Variants in CDYL2 observed in about 807,000 individuals in gnomAD.
The protein encoded by CDYL2 is chromodomain Y-like protein 2.
A neutral mutation model predicts 49.4 loss-of-function variants in CDYL2; 23 were observed. The observed-to-expected ratio is 0.47, with a 90% CI of 0.34 to 0.66. The LOEUF is 0.66. CDYL2 is among the 30% of genes least tolerant of loss of function. CDYL2 has a pLI of 0.01. For missense variants in CDYL2, 678 were observed against 656.4 expected (o/e 1.03, Z -0.36); for synonymous variants, 360 against 268.8 (o/e 1.34, Z -3.32).
At chr16:80,621,145 C>T (rs1404157098) in intron 3 of CDYL2, among the ~76,000 whole-genome samples, 3 of 152,224 alleles carry the variant, frequency 2.0e-5, no homozygotes, top group Non-Finnish European at 1.5e-5. Flanking sequence ...CCAGCACCAT[C>T]CCCGGAGAAG....
intron 1 of CDYL2, among the ~76,000 whole-genome samples, chr16:80,789,527 G>C (rs895686037): frequency 6.6e-6 from 1 of 152,028 alleles, no homozygotes; most frequent in Non-Finnish European, 1.5e-5. Context: ...TTGAACCTGG[G>C]AGGCTGAGGT....
intron 2 of CDYL2, among the ~76,000 whole-genome samples, chr16:80,665,632 G>C (rs940093819): frequency 2.6e-5 from 4 of 152,004 alleles, no homozygotes; most frequent in African/African-American, 7.3e-5. Flanking sequence ...AGGAACTCAG[G>C]ACAGACCCTC....
At chr16:80,710,951 A>T (rs1333185981) in intron 1 of CDYL2, among the ~76,000 whole-genome samples, 1 of 152,262 alleles carries the variant, frequency 6.6e-6, no homozygotes, top group Non-Finnish European at 1.5e-5. Context: ...TATTTTTGTA[A>T]CAGTACAAAT....
At chr16:80,665,700 G>A (rs140372359) in intron 2 of CDYL2, among the ~76,000 whole-genome samples, 289 of 152,146 alleles carry the variant, frequency 1.9e-3, no homozygotes, top group African/African-American at 6.7e-3. Context: ...GATGGGAGAA[G>A]CTTCCAGAGG....
chr16:80,685,777 T>C (rs1910165026), intron 1 of CDYL2, among the ~76,000 whole-genome samples: 1 of 152,192 alleles, frequency 6.6e-6, no homozygotes, highest in Admixed American at 6.5e-5. Flanking sequence ...CTTAACCAAG[T>C]TCCAGAATGG....
At chr16:80,640,427 G>C (rs1167584265) in intron 2 of CDYL2, among the ~76,000 whole-genome samples, 1 of 152,104 alleles carries the variant, frequency 6.6e-6, no homozygotes, top group African/African-American at 2.4e-5. Context: ...GCAATATACA[G>C]GTACCACGTT....
At chr16:80,712,469 T>C (rs1904653043) in intron 1 of CDYL2, among the ~76,000 whole-genome samples, 1 of 151,928 alleles carries the variant, frequency 6.6e-6, no homozygotes, top group Non-Finnish European at 1.5e-5. Flanking sequence ...CATCTCCCTG[T>C]TTCCTCACCA....
Position 80,746,199 on chromosome 16 carries a change from T to A in CDYL2, c.24+57951A>T, listed in dbSNP as rs9940187. Among the ~76,000 whole-genome samples the A allele has an allele frequency of 2.8e-3, 425 of 152,258 alleles. 2 individuals are homozygous for A. The highest frequency in any genetic ancestry group is 0.01 in the African/African-American group (417 of 41,556). ...TAAGGGCAATTACTCCCCATTCCCATGACAATCCGCAAATGATGGGGGACT... is the reference window on the plus strand; with the variant it reads ...TAAGGGCAATTACTCCCCATTCCCAAGACAATCCGCAAATGATGGGGGACT... On this transcript the variant is annotated intron_variant, in intron 1 of 6. Coordinates refer to ENST00000570137, the MANE Select transcript of CDYL2 (RefSeq NM_152342.4).
chr16:80,722,815 C>G (rs1441127094), intron 1 of CDYL2, among the ~76,000 whole-genome samples: 3 of 152,204 alleles, frequency 2.0e-5, no homozygotes. Flanking sequence ...AGGAGACAGA[C>G]TACGGCCCTA....
intron 2 of CDYL2, among the ~76,000 whole-genome samples, chr16:80,633,535 T>G (rs570845916): frequency 6.6e-6 from 1 of 152,350 alleles, no homozygotes; most frequent in African/African-American, 2.4e-5. Context: ...GGGAATCCAC[T>G]GACCACCCTG....
At chr16:80,632,790 C>T in intron 3 of CDYL2, 1 of 505,626 alleles carries the variant, frequency 2.0e-6, no homozygotes, top group Non-Finnish European at 3.6e-6. Context: ...AGTCCCTCTC[C>T]CCATGGTCTT....
intron 1 of CDYL2, among the ~76,000 whole-genome samples, chr16:80,790,602 A>G (rs957399153): frequency 6.6e-6 from 1 of 152,212 alleles, no homozygotes; most frequent in Non-Finnish European, 1.5e-5. Flanking sequence ...AGCAATGTAA[A>G]TATCAAGACA....
At chr16:80,710,488 G>A (rs1904558481) in intron 1 of CDYL2, among the ~76,000 whole-genome samples, 2 of 152,180 alleles carry the variant, frequency 1.3e-5, no homozygotes, top group South Asian at 2.1e-4. Flanking sequence ...TGACACTGAC[G>A]TGGATGTGCG....
chr16:80,798,440 A>G (rs1417120497), intron 1 of CDYL2, among the ~76,000 whole-genome samples: 1 of 152,220 alleles, frequency 6.6e-6, no homozygotes, highest in Non-Finnish European at 1.5e-5. Flanking sequence ...CTCAGTCTAC[A>G]CAATGGGAAT....
chr16:80,639,402 C>CA (rs1034995507), intron 2 of CDYL2, among the ~76,000 whole-genome samples: 2 of 152,170 alleles, frequency 1.3e-5, no homozygotes, highest in African/African-American at 2.4e-5. Context: ...AACCAAAACA[C>CA]AAAAAACTGC....
intron 1 of CDYL2, among the ~76,000 whole-genome samples, chr16:80,785,384 A>C (rs929824159): frequency 6.6e-6 from 1 of 152,194 alleles, no homozygotes; most frequent in East Asian, 1.9e-4. Context: ...AGAGAATAAA[A>C]TACCTAGGAG....
chr16:80,719,305 G>C (rs1431512813), intron 1 of CDYL2, among the ~76,000 whole-genome samples: 1 of 152,144 alleles, frequency 6.6e-6, no homozygotes, highest in Non-Finnish European at 1.5e-5. Flanking sequence ...TGTGGGCCTT[G>C]AGCAAGTCTT....
intron 4 of CDYL2, among the ~76,000 whole-genome samples, chr16:80,618,020 G>C (rs945540311): frequency 6.6e-6 from 1 of 152,144 alleles, no homozygotes; most frequent in Non-Finnish European, 1.5e-5. Flanking sequence ...GGGCCTCTCT[G>C]TGCTGTCAGG....
intron 1 of CDYL2, among the ~76,000 whole-genome samples, chr16:80,713,658 G>C (rs574774082): frequency 6.6e-6 from 1 of 152,232 alleles, no homozygotes; most frequent in East Asian, 1.9e-4. Context: ...ACCTTGCTCC[G>C]CTTCCCATCA....
Sources: gnomAD v4.1 joint callset for allele counts (sites outside exome capture counted in the v4.1 genomes callset) on GRCh38, gnomAD v4.1.1 for gene constraint, MANE v1.5 for transcripts, NCBI Gene and HGNC (gene_info 2026-07-23, HGNC 2026-07-21) for gene names.